GSK3B: variants seen among roughly 807,000 people sequenced by gnomAD.
GSK3B encodes glycogen synthase kinase 3 beta, also known as glycogen synthase kinase-3 beta.
GSK3B carries 15 observed loss-of-function variants against 56.4 expected under a neutral mutation model. The observed-to-expected ratio is 0.27, with a 90% confidence interval of 0.18 to 0.41. The LOEUF (loss-of-function observed/expected upper bound fraction) is 0.41. GSK3B is among the 10% of genes least tolerant of loss of function. The pLI is 1.00. For missense variants in GSK3B, 300 were observed against 513.4 expected (o/e 0.58, Z 4.02); for synonymous variants, 181 against 188.9 (o/e 0.96, Z 0.34).
At position 119,918,199 on chromosome 3, in the gene GSK3B, G is replaced by A. The variant is rs142022367; in HGVS notation, c.478-2025C>T. ...AAATAGCTTGGTGGAGGCCGGGCGCGGTGGCTCACACCTATAACCCTAGCA... is the reference window on the plus strand; with the variant it reads ...AAATAGCTTGGTGGAGGCCGGGCGCAGTGGCTCACACCTATAACCCTAGCA... On this transcript the variant is annotated intron_variant, in intron 4 of 10. Coordinates refer to ENST00000264235, the MANE Select transcript of GSK3B (RefSeq NM_001146156.2). 5.8e-3 allele frequency among the ~76,000 whole-genome samples: 885 copies of A among 152,136 alleles called. 4 individuals are homozygous for A. The highest frequency in any genetic ancestry group is 0.02 in the African/African-American group (817 of 41,518).
intron 3 of GSK3B, among the ~76,000 whole-genome samples, chr3:119,944,211 T>C (rs1286758639): frequency 3.9e-4 from 60 of 152,302 alleles, no homozygotes. Context: ...TCCTGTAGGC[T>C]CATGTTCTTA....
chr3:119,913,051 C>T (rs1268084254), intron 5 of GSK3B, among the ~76,000 whole-genome samples: 3 of 152,048 alleles, frequency 2.0e-5, no homozygotes, highest in South Asian at 4.1e-4. Flanking sequence ...CCTAAGAAGG[C>T]ACCAAAAGCA....
At chr3:119,975,230 T>C (rs2057399642) in intron 2 of GSK3B, among the ~76,000 whole-genome samples, 1 of 152,192 alleles carries the variant, frequency 6.6e-6, no homozygotes, top group South Asian at 2.1e-4. Flanking sequence ...GTGGATCACC[T>C]GAGGTCAGGA....
In GSK3B at chr3:120,021,015, T is replaced by C. The variant is rs989059985; in HGVS notation, c.89-18776A>G. Reference sequence around the variant, plus strand: ...GCAAGGCCGGAACCCTCTTCAATTCTCTGAAGGCCGACAGAAGCCTTCAAG... The same window carrying C: ...GCAAGGCCGGAACCCTCTTCAATTCCCTGAAGGCCGACAGAAGCCTTCAAG... On this transcript the variant is annotated intron_variant, in intron 1 of 10. Coordinates refer to ENST00000264235, the MANE Select transcript of GSK3B (RefSeq NM_001146156.2). 3.9e-5 allele frequency among the ~76,000 whole-genome samples: 6 copies of C among 152,242 alleles called. No individual in the cohort carries two copies. In the South Asian group the frequency reaches 1.2e-3, roughly 32 times the overall value.
rs2055431637 is a variant in GSK3B at position 119,822,711 on chromosome 3, G to A, written c.*4077C>T. On this transcript the variant is annotated 3_prime_UTR_variant, in exon 11 of 11. Coordinates refer to ENST00000264235, the MANE Select transcript of GSK3B (RefSeq NM_001146156.2). ...CAGAAAAGACAGATTTTATTGTAAA[G>A]CATACCTACTTTTCCACACAGGGGA... 4.4e-6 allele frequency: 1 copy of A among 228,148 alleles called. No individual in the cohort carries two copies. The highest frequency in any genetic ancestry group is 8.7e-6 in the Non-Finnish European group (1 of 115,076). The allele number at this position is 228,148 out of a possible 1,614,324, so 14.1% of individuals were successfully genotyped here.
chr3:120,053,404 C>T (rs1477150999), intron 1 of GSK3B, among the ~76,000 whole-genome samples: 8 of 152,140 alleles, frequency 5.3e-5, no homozygotes. Context: ...ACCTTCCTTA[C>T]AATCTAATGA....
At chr3:120,083,522 A>C (rs1164090734) in intron 1 of GSK3B, among the ~76,000 whole-genome samples, 1 of 152,244 alleles carries the variant, frequency 6.6e-6, no homozygotes, top group Admixed American at 6.5e-5. Flanking sequence ...AAAAAGAAAG[A>C]AAATGGCAAC....
At chr3:120,008,652 C>T (rs1166827752) in intron 1 of GSK3B, among the ~76,000 whole-genome samples, 2 of 152,108 alleles carry the variant, frequency 1.3e-5, no homozygotes, top group Admixed American at 1.3e-4. Flanking sequence ...AACTGGCTAG[C>T]CATGTGCAGA....
At chr3:119,863,307 T>C in intron 9 of GSK3B, 112 bp downstream of exon 9, 2 of 818,036 alleles carry the variant, frequency 2.4e-6, no homozygotes, top group South Asian at 1.6e-5. Context: ...CCTACCTAAG[T>C]ACTTAATATG....
rs144619329 is a variant in GSK3B at position 120,021,725 on chromosome 3, G to A, written c.89-19486C>T. Among the ~76,000 whole-genome samples the A allele has an allele frequency of 4.6e-3, 696 of 152,304 alleles. 4 individuals carry two copies. Among genetic ancestry groups the A allele is most frequent in the Non-Finnish European group, 7.8e-3 (528 of 68,032 alleles). ...ATCTTGTGATCAAACTTGAACAGAT[G>A]AGGAGCTGCTTCTTATGAATGAGCA... On this transcript the variant is annotated intron_variant, in intron 1 of 10. Coordinates refer to ENST00000264235, the MANE Select transcript of GSK3B (RefSeq NM_001146156.2).
intron 3 of GSK3B, among the ~76,000 whole-genome samples, chr3:119,931,959 A>G (rs1485996400): frequency 2.0e-5 from 3 of 152,198 alleles, no homozygotes; most frequent in Non-Finnish European, 2.9e-5. Flanking sequence ...TGAACTCCAC[A>G]TTAAAACCAC....
chr3:120,040,406 A>G (rs2058056429), intron 1 of GSK3B, among the ~76,000 whole-genome samples: 2 of 152,348 alleles, frequency 1.3e-5, no homozygotes, highest in South Asian at 2.1e-4. Flanking sequence ...GATGCAGCGA[A>G]AAAAGGGTGC....
At chr3:119,898,289 T>C (rs991762753) in intron 7 of GSK3B, among the ~76,000 whole-genome samples, 2 of 152,148 alleles carry the variant, frequency 1.3e-5, no homozygotes, top group Admixed American at 1.3e-4. Flanking sequence ...TTTCCCAGTA[T>C]TGGAAAGTCA....
intron 2 of GSK3B, among the ~76,000 whole-genome samples, chr3:119,955,352 TGTA>T (rs2057203278): frequency 6.6e-6 from 1 of 152,090 alleles, no homozygotes; most frequent in African/African-American, 2.4e-5. Flanking sequence ...GCATAGAACA[TGTA>T]ATGATCATAT....
intron 7 of GSK3B, among the ~76,000 whole-genome samples, chr3:119,876,890 A>G (rs1184525834): frequency 1.3e-5 from 2 of 152,176 alleles, no homozygotes; most frequent in African/African-American, 4.8e-5. Flanking sequence ...ATGATACAGC[A>G]CGAAGGCCAT....
At chr3:120,041,087 C>A (rs930253865) in intron 1 of GSK3B, 2 of 154,986 alleles carry the variant, frequency 1.3e-5, no homozygotes, top group African/African-American at 2.4e-5. Context: ...GCAGAGCCCA[C>A]GCTCCTGCCC....
Position 120,093,338 on chromosome 3 carries a change from A to C in GSK3B, c.88+9T>G. The stretch of plus-strand genomic sequence containing the variant: ...TGGAAAAGGGGTGTAAAATAAAACC[A>C]ATACTCACTGCTAACTTTCATGCTG... On this transcript the variant is annotated intron_variant, in intron 1 of 10. Coordinates refer to ENST00000264235, the MANE Select transcript of GSK3B (RefSeq NM_001146156.2). 6.3e-7 allele frequency: 1 copy of C among 1,583,606 alleles called. No individual in the cohort carries two copies. The highest frequency in any genetic ancestry group is 8.7e-7 in the Non-Finnish European group (1 of 1,152,254).
chr3:119,963,625 C>CAAAAAAAAAAAAAAAAAAA (rs774359104), intron 2 of GSK3B, among the ~76,000 whole-genome samples: 19 of 78,860 alleles, frequency 2.4e-4, no homozygotes, highest in Admixed American at 3.3e-4. Flanking sequence ...TTCTTCCCCA[C>CAAAAAAAAAAAAAAAAAAA]AAAAAAAAAA....
chr3:119,998,779 C>T (rs547917651), intron 2 of GSK3B, among the ~76,000 whole-genome samples: 2 of 152,110 alleles, frequency 1.3e-5, no homozygotes, highest in East Asian at 3.9e-4. Context: ...TAGTGAGATG[C>T]GTCTCTACAA....
Sources: gnomAD v4.1 joint callset for allele counts (sites outside exome capture counted in the v4.1 genomes callset) on GRCh38, gnomAD v4.1.1 for gene constraint, MANE v1.5 for transcripts, NCBI Gene and HGNC (gene_info 2026-07-23, HGNC 2026-07-21) for gene names.